PRR16: variants seen among roughly 807,000 people sequenced by gnomAD.
The protein encoded by PRR16 is proline rich 16.
Under a neutral mutation model 18.2 loss-of-function variants are expected in PRR16, and 6 were observed. The ratio of observed to expected loss-of-function variants is 0.33; its 90% CI spans 0.18 to 0.65. The LOEUF is 0.65. Among genes scored for constraint, PRR16 ranks in the 30% least tolerant of loss-of-function variants. The pLI, the probability that PRR16 is intolerant of heterozygous loss-of-function variation, is 0.74. For synonymous variants in PRR16, 151 were observed against 147.8 expected (o/e 1.02, Z -0.16); for missense variants, 412 against 376.6 (o/e 1.09, Z -0.78).
chr5:120,465,325 C>A (rs904099257), intron 1 of PRR16, among the ~76,000 whole-genome samples: 1 of 152,266 alleles, frequency 6.6e-6, no homozygotes, highest in Non-Finnish European at 1.5e-5. Context: ...CCTACCTCTG[C>A]TTCCTTCCTT....
At chr5:120,784,179 A>C in the PRR16 span, among the ~76,000 whole-genome samples, 1 of 152,148 alleles carries the variant, frequency 6.6e-6, no homozygotes, top group African/African-American at 2.4e-5. Context: ...GGGAGTGCAG[A>C]TATCTCTTAA....
chr5:120,488,128 G>C (rs9687750), intron 1 of PRR16, among the ~76,000 whole-genome samples: 108,576 of 151,988 alleles, frequency 0.71, 39,975 homozygotes, highest in East Asian at 0.96. Context: ...TTATGTCTCT[G>C]CCCGGCTTTG....
At chr5:120,490,567 AG>A (rs1227927831) in intron 1 of PRR16, among the ~76,000 whole-genome samples, 1 of 151,988 alleles carries the variant, frequency 6.6e-6, no homozygotes, top group Non-Finnish European at 1.5e-5. Context: ...TCTTTTTTCA[AG>A]GTATTTAACT....
At chr5:120,669,134 T>G (rs943220915) in intron 1 of PRR16, among the ~76,000 whole-genome samples, 3 of 152,184 alleles carry the variant, frequency 2.0e-5, no homozygotes, top group African/African-American at 7.2e-5. Flanking sequence ...TCTCAAAATG[T>G]TGAACTGTGT....
At position 120,534,770 on chromosome 5, in the gene PRR16, CTA is replaced by C. The variant is rs1433111247; in HGVS notation, c.159+70127_159+70128del. Among the ~76,000 whole-genome samples, 6 of 152,190 alleles carry C rather than the reference CTA, an allele frequency of 3.9e-5. No homozygotes were observed. The East Asian group carries it at 1.2e-3, about 29-fold the overall frequency. ...TAAAATCTTTGCATGTTTGTTGCCT[CTA>C]TGTATTTAGATGTGAGCCTCAACTG... On this transcript the variant is annotated intron_variant, in intron 1 of 1. Coordinates refer to ENST00000407149, the MANE Select transcript of PRR16 (RefSeq NM_001300783.2).
At chr5:120,608,355 G>T (rs1372465672) in intron 1 of PRR16, among the ~76,000 whole-genome samples, 1 of 152,120 alleles carries the variant, frequency 6.6e-6, no homozygotes, top group Non-Finnish European at 1.5e-5. Flanking sequence ...GCAGATTGAT[G>T]CCCCTGAGCT....
intron 1 of PRR16, among the ~76,000 whole-genome samples, chr5:120,565,888 G>A (rs1469569789): frequency 6.6e-6 from 1 of 152,148 alleles, no homozygotes; most frequent in Non-Finnish European, 1.5e-5. Context: ...TTTGACACCT[G>A]AATTTATTTC....
At chr5:120,593,074 A>G (rs1753689262) in intron 1 of PRR16, among the ~76,000 whole-genome samples, 1 of 152,110 alleles carries the variant, frequency 6.6e-6, no homozygotes, top group South Asian at 2.1e-4. Flanking sequence ...AAAGATCTCA[A>G]GGTAACAACT....
At chr5:120,467,405 TC>T (rs1749138055) in intron 1 of PRR16, among the ~76,000 whole-genome samples, 1 of 152,172 alleles carries the variant, frequency 6.6e-6, no homozygotes, top group South Asian at 2.1e-4. Context: ...ATTTATTTTT[TC>T]TTTCTGCTTT....
At chr5:120,629,648 C>T (rs758941157) in intron 1 of PRR16, among the ~76,000 whole-genome samples, 5 of 152,174 alleles carry the variant, frequency 3.3e-5, no homozygotes, top group Non-Finnish European at 7.4e-5. Context: ...TTTCTTGGCT[C>T]GCTATGCCTT....
intron 1 of PRR16, among the ~76,000 whole-genome samples, chr5:120,488,645 T>C (rs1749906450): frequency 6.6e-6 from 1 of 152,156 alleles, no homozygotes; most frequent in African/African-American, 2.4e-5. Context: ...TGTCTCTATT[T>C]CCTTCAGTTC....
chr5:120,542,719 T>G (rs1751953898), intron 1 of PRR16, among the ~76,000 whole-genome samples: 2 of 152,162 alleles, frequency 1.3e-5, no homozygotes, highest in Non-Finnish European at 2.9e-5. Context: ...ATTACATAAG[T>G]ATGTATTTTG....
chr5:120,601,258 A>G (rs1454976039), intron 1 of PRR16, among the ~76,000 whole-genome samples: 1 of 152,108 alleles, frequency 6.6e-6, no homozygotes, highest in East Asian at 1.9e-4. Flanking sequence ...CTTTTTAATA[A>G]CAGCCCTTCT....
chr5:120,519,618 A>C (rs933282456), intron 1 of PRR16, among the ~76,000 whole-genome samples: 1 of 152,320 alleles, frequency 6.6e-6, no homozygotes, highest in South Asian at 2.1e-4. Context: ...TCCTGAAATT[A>C]ACTTTAGCAA....
chr5:120,490,534 A>G (rs1002261190), intron 1 of PRR16, among the ~76,000 whole-genome samples: 3 of 151,948 alleles, frequency 2.0e-5, no homozygotes, highest in African/African-American at 7.3e-5. Flanking sequence ...TGCATTGGTT[A>G]TTCTAGTTAG....
chr5:120,793,829 A>G, the PRR16 span, among the ~76,000 whole-genome samples: 2 of 152,176 alleles, frequency 1.3e-5, no homozygotes, highest in African/African-American at 2.4e-5. Flanking sequence ...CCTAGATGCT[A>G]TAGCCTATTT....
At chr5:120,486,513 T>C (rs1219040077) in intron 1 of PRR16, among the ~76,000 whole-genome samples, 1 of 152,072 alleles carries the variant, frequency 6.6e-6, no homozygotes, top group Non-Finnish European at 1.5e-5. Context: ...TTCCTGTAAA[T>C]TTGTTTGAGT....
the PRR16 span, among the ~76,000 whole-genome samples, chr5:120,696,008 C>A: frequency 6.6e-6 from 1 of 151,948 alleles, no homozygotes; most frequent in Admixed American, 6.6e-5. Flanking sequence ...GTTGGGAGGC[C>A]AAGGTGGGTG....
chr5:120,540,691 G>C (rs1751885572), intron 1 of PRR16, among the ~76,000 whole-genome samples: 1 of 151,982 alleles, frequency 6.6e-6, no homozygotes, highest in African/African-American at 2.4e-5. Flanking sequence ...TAAGCATCTG[G>C]GAGTTATTTA....
Sources: gnomAD v4.1 joint callset for allele counts (sites outside exome capture counted in the v4.1 genomes callset) on GRCh38, gnomAD v4.1.1 for gene constraint, MANE v1.5 for transcripts, NCBI Gene and HGNC (gene_info 2026-07-23, HGNC 2026-07-21) for gene names.